Variants in SCOC observed in about 807,000 individuals in gnomAD.
The protein encoded by SCOC is short coiled-coil protein.
SCOC carries 7 observed loss-of-function variants against 9.9 expected under a neutral mutation model. The observed-to-expected ratio is 0.71, with a 90% CI of 0.40 to 1.33. The LOEUF (loss-of-function observed/expected upper bound fraction) is 1.33. Among genes scored for constraint, SCOC ranks in the 40% most tolerant of loss-of-function variants. The pLI is 0.01. For missense variants in SCOC, 66 were observed against 89.7 expected (o/e 0.74, Z 1.07); for synonymous variants, 19 against 28.2 (o/e 0.67, Z 1.03).
intron 1 of SCOC, among the ~76,000 whole-genome samples, chr4:140,315,743 G>A (rs574748883): frequency 1.4e-4 from 22 of 152,206 alleles, no homozygotes; most frequent in African/African-American, 4.1e-4. Flanking sequence ...CTCTTTGAAC[G>A]CTTTAACCCA....
At chr4:140,326,875 C>T (rs1477518973) in intron 1 of SCOC, among the ~76,000 whole-genome samples, 1 of 152,192 alleles carries the variant, frequency 6.6e-6, no homozygotes, top group Non-Finnish European at 1.5e-5. Flanking sequence ...TCAATCACTG[C>T]TCACAATGTG....
At chr4:140,349,516 A>G (rs1386370442) in intron 2 of SCOC, among the ~76,000 whole-genome samples, 1 of 152,120 alleles carries the variant, frequency 6.6e-6, no homozygotes, top group Admixed American at 6.5e-5. Flanking sequence ...ATGATTCATA[A>G]TCCAATTGCT....
chr4:140,290,837 G>A (rs529409889), intron 1 of SCOC, among the ~76,000 whole-genome samples: 27 of 152,002 alleles, frequency 1.8e-4, no homozygotes, highest in South Asian at 6.3e-4. Flanking sequence ...ACAAACAAAC[G>A]AACAAACCCC....
At chr4:140,350,020 G>A (rs954916560) in intron 2 of SCOC, among the ~76,000 whole-genome samples, 6 of 152,166 alleles carry the variant, frequency 3.9e-5, no homozygotes, top group African/African-American at 1.4e-4. Context: ...CTCAGTAGGA[G>A]ACCCTTAATG....
chr4:140,373,760 C>T (rs1371231212), intron 1 of SCOC, 43 bp downstream of exon 1: 2 of 1,524,226 alleles, frequency 1.3e-6, no homozygotes, highest in Non-Finnish European at 1.8e-6. Flanking sequence ...CCCCAGGCGA[C>T]TAGAGCTGCA....
At chr4:140,358,072 G>A (rs1231641549) in intron 2 of SCOC, among the ~76,000 whole-genome samples, 3 of 151,864 alleles carry the variant, frequency 2.0e-5, no homozygotes, top group African/African-American at 7.3e-5. Context: ...CTGGTCTCAG[G>A]GCCTGACCTT....
chr4:140,330,072 G>A (rs969328892), intron 1 of SCOC, among the ~76,000 whole-genome samples: 1 of 152,154 alleles, frequency 6.6e-6, no homozygotes, highest in African/African-American at 2.4e-5. Context: ...ATCAGTCAAT[G>A]AGTGGCTAAA....
intron 1 of SCOC, among the ~76,000 whole-genome samples, chr4:140,274,918 G>T (rs1730946532): frequency 2.0e-5 from 3 of 152,078 alleles, no homozygotes; most frequent in Non-Finnish European, 4.4e-5. Context: ...TCCATCTAAT[G>T]CTAAAGGGTG....
Position 140,299,966 on chromosome 4 carries a change from A to T in SCOC, c.-19+42556A>T, listed in dbSNP as rs192720217. Among the ~76,000 whole-genome samples, 69 of 152,312 alleles carry T rather than the reference A, an allele frequency of 4.5e-4. No individual in the cohort carries two copies. The East Asian group carries it at 0.01, about 23-fold the overall frequency. ...GAACACTAAGCCCACTAATGGGGGT[A>T]AGAGAGTGTGCAAAATCACATCACA... On this transcript the variant is annotated intron_variant, in intron 1 of 4. Coordinates refer to the SCOC transcript ENST00000394205.
intron 1 of SCOC, among the ~76,000 whole-genome samples, chr4:140,285,854 G>C (rs936478814): frequency 2.6e-5 from 4 of 152,136 alleles, no homozygotes. Flanking sequence ...CAATCTCCCA[G>C]ACTCAGTTTC....
chr4:140,290,833 A>G (rs929771912), intron 1 of SCOC, among the ~76,000 whole-genome samples: 8 of 152,210 alleles, frequency 5.3e-5, no homozygotes, highest in South Asian at 2.1e-4. Flanking sequence ...ACAAACAAAC[A>G]AACGAACAAA....
chr4:140,326,944 G>A (rs547167466), intron 1 of SCOC, among the ~76,000 whole-genome samples: 1 of 152,140 alleles, frequency 6.6e-6, no homozygotes, highest in Non-Finnish European at 1.5e-5. Flanking sequence ...ATAAATGTTG[G>A]AACTCAAATG....
At chr4:140,373,641 C>T (rs1374841237), upstream of SCOC, 1 of 1,551,568 alleles carries the variant, frequency 6.4e-7, no homozygotes, top group South Asian at 1.2e-5. Context: ...GGCGGAGCTG[C>T]CGGGGTCAGT....
At position 140,366,673 on chromosome 4, in the gene SCOC, T is replaced by G. The variant is rs72939837; in HGVS notation, c.71-12448T>G. 1.9e-3 allele frequency: 3,014 copies of G among 1,599,606 alleles called. 43 individuals are homozygous for G. The African/African-American group carries it at 0.036, about 19-fold the overall frequency. On this transcript the variant is annotated intron_variant, in intron 2 of 4. Coordinates refer to the SCOC transcript ENST00000338517. ...CTTCTGGTGGGCTCTGTGTGGAAAC[T>G]TGAGGTTGAAATCAGTGAGCTGCAT...
intron 1 of SCOC, among the ~76,000 whole-genome samples, chr4:140,322,835 G>A (rs963633235): frequency 2.0e-5 from 3 of 152,058 alleles, no homozygotes; most frequent in Non-Finnish European, 2.9e-5. Context: ...AAATTAGTAG[G>A]GATAGAAGGA....
At chr4:140,329,988 G>A (rs10003754) in intron 1 of SCOC, among the ~76,000 whole-genome samples, 132,239 of 152,258 alleles carry the variant, frequency 0.87, 57,522 homozygotes, top group African/African-American at 0.91. Context: ...ATTATACAAA[G>A]ATAATACTTG....
intron 1 of SCOC, among the ~76,000 whole-genome samples, chr4:140,326,575 C>G (rs566834788): frequency 1.8e-4 from 28 of 152,242 alleles, no homozygotes; most frequent in African/African-American, 6.7e-4. Flanking sequence ...AAAAGCAAGG[C>G]CTGTGTTTGT....
chr4:140,269,910 C>G (rs1479213159), intron 1 of SCOC, among the ~76,000 whole-genome samples: 3 of 152,072 alleles, frequency 2.0e-5, no homozygotes, highest in Admixed American at 2.0e-4. Flanking sequence ...AACCACAACA[C>G]CTGGCTAATT....
intron 2 of SCOC, among the ~76,000 whole-genome samples, chr4:140,362,284 C>CTTCTTCTTCTTCT (rs1727559013): frequency 1.2e-4 from 2 of 16,092 alleles, no homozygotes; most frequent in African/African-American, 8.8e-4. Flanking sequence ...CTTACTTCTT[C>CTTCTTCTTCTTCT]TTCTTCTTCT....
Sources: gnomAD v4.1 joint callset for allele counts (sites outside exome capture counted in the v4.1 genomes callset) on GRCh38, gnomAD v4.1.1 for gene constraint, MANE v1.5 for transcripts, NCBI Gene and HGNC (gene_info 2026-07-23, HGNC 2026-07-21) for gene names.